Variants in ZNF519 observed in about 807,000 individuals in gnomAD.
ZNF519 encodes the protein similar to Zinc finger protein 85 (Zinc finger protein HPF4) (HTF1).
ZNF519 carries 7 observed loss-of-function variants against 7.4 expected under a neutral mutation model. The ratio of observed to expected loss-of-function variants is 0.94; its 90% CI spans 0.54 to 1.77. ZNF519 has a LOEUF of 1.77. ZNF519 is among the 40% of genes most tolerant of loss of function. The pLI, the probability that ZNF519 is intolerant of heterozygous loss-of-function variation, is 0.00. For missense variants in ZNF519, 586 were observed against 623.1 expected, an observed-to-expected ratio of 0.94 and a Z score of 0.63; for synonymous variants, 179 against 203.3, an observed-to-expected ratio of 0.88 and a Z score of 1.02.
intron 2 of ZNF519, among the ~76,000 whole-genome samples, chr18:14,087,023 C>T (rs1010903261): frequency 2.6e-5 from 4 of 151,982 alleles, no homozygotes; most frequent in East Asian, 1.9e-4. Context: ...CATTGCACAT[C>T]GTGAAGATTA....
chr18:14,093,204 G>C (rs2046121380), intron 2 of ZNF519, among the ~76,000 whole-genome samples: 1 of 152,168 alleles, frequency 6.6e-6, no homozygotes, highest in Non-Finnish European at 1.5e-5. Context: ...GCCAGCTAGA[G>C]ACACCGCTGC....
Position 14,101,754 on chromosome 18 carries a change from A to AT in ZNF519, c.*3162dup. 2.5e-6 allele frequency: 1 copy of AT among 398,674 alleles called. No homozygotes were observed. The highest frequency in any genetic ancestry group is 4.4e-6 in the Non-Finnish European group (1 of 226,136). 24.7% of individuals were successfully genotyped at this position (398,674 alleles called of 1,614,324 possible). ...AGATGAAGTGTCCATCAGTTCTTTG[A>AT]TGATGTTCTGTGTGGAGCTCTGCAA... On this transcript the variant is annotated 3_prime_UTR_variant, in exon 3 of 3. Transcript: ENST00000590202.
intron 2 of ZNF519, among the ~76,000 whole-genome samples, chr18:14,118,860 C>G (rs75903244): frequency 1.3e-5 from 2 of 152,120 alleles, no homozygotes; most frequent in African/African-American, 4.8e-5. Context: ...CAGTTCTAGC[C>G]CTCACAGCCA....
intron 1 of ZNF519, among the ~76,000 whole-genome samples, chr18:14,129,122 G>A (rs1450727777): frequency 2.0e-5 from 3 of 152,178 alleles, no homozygotes; most frequent in East Asian, 1.9e-4. Context: ...CTCAGGCAGC[G>A]CTATGTTCTG....
intron 2 of ZNF519, among the ~76,000 whole-genome samples, chr18:14,114,588 C>T (rs571072740): frequency 4.7e-4 from 71 of 152,162 alleles, no homozygotes; most frequent in African/African-American, 1.5e-3. Context: ...CACACATTTG[C>T]TGGAGCTAAA....
Position 14,104,795 on chromosome 18 carries a change from A to T in ZNF519, c.*122T>A. The stretch of plus-strand genomic sequence containing the variant: ...CACTTCTAATTTTTATTTAATCTTC[A>T]TTTTGATGTTTCAAAAATCATTACA... On this transcript the variant is annotated 3_prime_UTR_variant, in exon 3 of 3. Coordinates refer to ENST00000590202, the MANE Select transcript of ZNF519 (RefSeq NM_145287.4). The T allele has an allele frequency of 8.9e-7, 1 of 1,126,734 alleles. No individual in the cohort carries two copies. The highest frequency in any genetic ancestry group is 1.2e-6 in the Non-Finnish European group (1 of 832,028). 69.8% of individuals were successfully genotyped at this position (1,126,734 alleles called of 1,614,324 possible).
At position 14,106,327 on chromosome 18, in the gene ZNF519, A is replaced by G. The variant is rs375637085; in HGVS notation, c.213T>C (p.Tyr71=). The G allele has an allele frequency of 5.0e-6, 8 of 1,612,522 alleles. No homozygotes were observed. Among genetic ancestry groups the G allele is most frequent in the African/African-American group, 1.3e-5 (1 of 74,440 alleles). Reference sequence around the variant, plus strand: ...ATATATTTTCAAGGCCACAGCTCCCATATCTTCCCAGTGTTGCTTTTTTGA... The same window carrying G: ...ATATATTTTCAAGGCCACAGCTCCCGTATCTTCCCAGTGTTGCTTTTTTGA... ...DSFKKATLGR[Y]GSCGLENICL... The change falls in exon 3 of 3, where the codon TAT becomes TAC. Residue 71 remains tyrosine (Y), a synonymous_variant. Transcript: ENST00000590202.
At chr18:14,112,076 A>G (rs576102124) in intron 2 of ZNF519, among the ~76,000 whole-genome samples, 1 of 152,302 alleles carries the variant, frequency 6.6e-6, no homozygotes, top group East Asian at 1.9e-4. Flanking sequence ...AAAATTTCTA[A>G]TAAAAATACT....
chr18:14,078,760 C>T (rs1216059946), intron 3 of ZNF519, among the ~76,000 whole-genome samples: 1 of 151,412 alleles, frequency 6.6e-6, no homozygotes, highest in Non-Finnish European at 1.5e-5. Flanking sequence ...ATTTGGAAAT[C>T]CATCAATAGA....
chr18:14,098,161 C>CTTTT (rs11438208), downstream of ZNF519, among the ~76,000 whole-genome samples: 1 of 139,802 alleles, frequency 7.2e-6, no homozygotes, highest in Non-Finnish European at 1.5e-5. Context: ...CTTTCACTGT[C>CTTTT]TTTTTTTTTT....
rs185633177 is a variant in ZNF519, at chr18:14,101,841, T to C, written c.*3076A>G. On this transcript the variant is annotated 3_prime_UTR_variant, in exon 3 of 3. Transcript: ENST00000590202. ...CCTGCTTGGCTGACCTGGCCTCTTC[T>C]GTCGAGTCTTTCCATTCCCCAAATC... 7.3e-4 allele frequency: 291 copies of C among 398,106 alleles called. 6 individuals are homozygous for C. The Admixed American group carries it at 0.011, about 15-fold the overall frequency. The allele number at this position is 398,106 out of a possible 1,614,324, so 24.7% of individuals were successfully genotyped here.
At chr18:14,113,691 A>C in intron 2 of ZNF519, among the ~76,000 whole-genome samples, 1 of 140,668 alleles carries the variant, frequency 7.1e-6, no homozygotes, top group South Asian at 2.3e-4. Flanking sequence ...TAGTAGCTCT[A>C]TTTTTTTTTT....
chr18:14,077,918 T>C (rs1184337986), intron 4 of ZNF519, among the ~76,000 whole-genome samples: 1 of 152,154 alleles, frequency 6.6e-6, no homozygotes, highest in African/African-American at 2.4e-5. Context: ...ACGGTGCAAA[T>C]AGGCAGTCGT....
Position 14,105,501 on chromosome 18 carries a change from C to T in ZNF519, c.1039G>A (p.Ala347Thr). 6.2e-7 allele frequency: 1 copy of T among 1,610,958 alleles called. No homozygotes were observed. Among genetic ancestry groups the T allele is most frequent in the Non-Finnish European group, 8.5e-7 (1 of 1,179,108 alleles). Reference protein sequence around the residue: ...QHQRIHTGERAFKCEECGKAF... With the variant: ...QHQRIHTGERTFKCEECGKAF... ...TTGCCACATTCTTCACATTTGAAAG[C>T]TCTCTCTCCAGTATGGATTCTCTGA... Residue 347 changes from alanine to threonine, a missense_variant, in exon 3 of 3, where the codon GCT (alanine) becomes ACT (threonine). Physicochemically the swap from Ala to Thr is moderately conservative, Grantham distance 58. Coordinates refer to ENST00000590202, the MANE Select transcript of ZNF519 (RefSeq NM_145287.4).
At chr18:14,076,997 A>C (rs1389059714) in exon 5 of ZNF519, 2 of 152,194 alleles carry the variant, frequency 1.3e-5, no homozygotes, top group Non-Finnish European at 2.9e-5. Context: ...CACACTATCG[A>C]AGGCATGAAG....
In ZNF519 at chr18:14,104,961, T is replaced by TG; in HGVS notation, c.1578dup (p.Arg527GlnfsTer21). On this transcript the variant is annotated frameshift_variant, in exon 3 of 3. Coordinates refer to ENST00000590202, the MANE Select transcript of ZNF519 (RefSeq NM_145287.4). LOFTEE classifies it low-confidence loss of function (END_TRUNC). ...TGATGTTGAGTAAGGGTTGAGCGTC[T>TG]GTTAAAAGCTTTGCCACATTCTTTA... 1 of 1,585,232 alleles carries TG rather than the reference T, an allele frequency of 6.3e-7. No individual in the cohort carries two copies. The highest frequency in any genetic ancestry group is 8.6e-7 in the Non-Finnish European group (1 of 1,168,120).
downstream of ZNF519, among the ~76,000 whole-genome samples, chr18:14,097,022 G>C (rs977479815): frequency 6.6e-6 from 1 of 152,084 alleles, no homozygotes; most frequent in Non-Finnish European, 1.5e-5. Flanking sequence ...GAGTGATGTT[G>C]CTCTGCTGTG....
chr18:14,092,416 T>C (rs1271792266), intron 2 of ZNF519, among the ~76,000 whole-genome samples: 4 of 152,140 alleles, frequency 2.6e-5, no homozygotes, highest in Non-Finnish European at 4.4e-5. Context: ...ATCAGGGGGA[T>C]ATAAGTGTAG....
At chr18:14,094,749 CCTTAT>C (rs1598511512) in intron 2 of ZNF519, among the ~76,000 whole-genome samples, 1 of 151,810 alleles carries the variant, frequency 6.6e-6, no homozygotes, top group African/African-American at 2.4e-5. Context: ...GTTTCTGTGC[CCTTAT>C]CTTGTTTTGC....
Sources: gnomAD v4.1 joint callset for allele counts (sites outside exome capture counted in the v4.1 genomes callset) on GRCh38, gnomAD v4.1.1 for gene constraint, MANE v1.5 for transcripts, NCBI Gene and HGNC (gene_info 2026-07-23, HGNC 2026-07-21) for gene names.